Variants in AGBL1 observed in about 807,000 individuals in gnomAD.
AGBL1 encodes AGBL carboxypeptidase 1.
In AGBL1, 130 loss-of-function variants were observed where a neutral mutation model predicts 118.9. The observed-to-expected ratio is 1.09, with a 90% CI of 0.95 to 1.26. The LOEUF is 1.26. AGBL1 is among the 50% of genes most tolerant of loss of function. AGBL1 has a pLI of 0.00. For missense variants in AGBL1, 1,584 were observed against 1,298.1 expected, an observed-to-expected ratio of 1.22 and a Z score of -3.38; for synonymous variants, 555 against 478.9, an observed-to-expected ratio of 1.16 and a Z score of -2.08.
At chr15:86,768,289 T>G (rs946798974) in intron 22 of AGBL1, among the ~76,000 whole-genome samples, 2 of 151,998 alleles carry the variant, frequency 1.3e-5, no homozygotes, top group African/African-American at 4.8e-5. Flanking sequence ...GCATATAACA[T>G]AGTTTAACAT....
intron 22 of AGBL1, among the ~76,000 whole-genome samples, chr15:86,686,245 A>G (rs1223840654): frequency 6.6e-6 from 1 of 152,016 alleles, no homozygotes; most frequent in African/African-American, 2.4e-5. Flanking sequence ...GTTTGAATTG[A>G]CTCCATCTCC....
At chr15:86,799,589 T>G (rs2078621493) in intron 22 of AGBL1, among the ~76,000 whole-genome samples, 1 of 152,160 alleles carries the variant, frequency 6.6e-6, no homozygotes, top group African/African-American at 2.4e-5. Flanking sequence ...TGTGACGGAA[T>G]TATGTAAAAT....
chr15:86,882,496 G>T (rs759425209), intron 22 of AGBL1, among the ~76,000 whole-genome samples: 1 of 152,118 alleles, frequency 6.6e-6, no homozygotes, highest in African/African-American at 2.4e-5. Flanking sequence ...ATTTTGAGTT[G>T]AGTGACCTTA....
At chr15:86,350,795 C>T (rs1171391288) in intron 17 of AGBL1, among the ~76,000 whole-genome samples, 6 of 152,168 alleles carry the variant, frequency 3.9e-5, no homozygotes, top group Non-Finnish European at 5.9e-5. Flanking sequence ...ATTCCAAAGC[C>T]TCTTGTTATG....
intron 5 of AGBL1, among the ~76,000 whole-genome samples, chr15:86,183,381 C>A (rs1469559102): frequency 6.6e-6 from 1 of 152,124 alleles, no homozygotes; most frequent in Non-Finnish European, 1.5e-5. Context: ...AATACCCTCA[C>A]TTTATAAACA....
chr15:86,298,618 G>T (rs879300319), intron 17 of AGBL1, among the ~76,000 whole-genome samples: 2 of 152,070 alleles, frequency 1.3e-5, no homozygotes, highest in African/African-American at 2.4e-5. Context: ...CTTCAGGTGA[G>T]ATTAAATTGT....
chr15:86,723,075 C>T (rs1344175300), intron 22 of AGBL1, among the ~76,000 whole-genome samples: 2 of 152,182 alleles, frequency 1.3e-5, no homozygotes, highest in African/African-American at 4.8e-5. Context: ...ACTAGTTCAA[C>T]CATTGTGGAA....
intron 18 of AGBL1, among the ~76,000 whole-genome samples, chr15:86,413,648 C>G (rs2081651692): frequency 6.6e-6 from 1 of 152,034 alleles, no homozygotes; most frequent in East Asian, 1.9e-4. Flanking sequence ...TTTTTAGGTG[C>G]TTGTGGGACA....
intron 22 of AGBL1, among the ~76,000 whole-genome samples, chr15:86,863,307 G>T (rs1228950826): frequency 1.3e-5 from 2 of 152,184 alleles, no homozygotes; most frequent in Non-Finnish European, 2.9e-5. Flanking sequence ...CTAAGGAACT[G>T]CATATTTCCT....
At chr15:86,358,005 C>G (rs973096149) in intron 17 of AGBL1, among the ~76,000 whole-genome samples, 2 of 151,972 alleles carry the variant, frequency 1.3e-5, no homozygotes, top group African/African-American at 4.8e-5. Context: ...TATCTATCAC[C>G]TCACATACTT....
intron 5 of AGBL1, among the ~76,000 whole-genome samples, chr15:86,199,444 A>G (rs1438084055): frequency 2.0e-5 from 3 of 152,238 alleles, no homozygotes; most frequent in Non-Finnish European, 2.9e-5. Context: ...CCATTTGGCC[A>G]TGGCAAAATG....
At chr15:86,240,483 G>A (rs2078623988) in intron 6 of AGBL1, among the ~76,000 whole-genome samples, 1 of 152,204 alleles carries the variant, frequency 6.6e-6, no homozygotes, top group Admixed American at 6.5e-5. Context: ...GAATTCTCAG[G>A]TGGAAAATTG....
chr15:86,266,208 G>A (rs890940176), intron 11 of AGBL1, among the ~76,000 whole-genome samples, 166 bp from the exon 12 acceptor site: 1 of 152,120 alleles, frequency 6.6e-6, no homozygotes, highest in Non-Finnish European at 1.5e-5. Flanking sequence ...AAAGAAGAAG[G>A]GCAGGGCTAT....
chr15:86,333,321 A>G lies in AGBL1; in HGVS notation c.2374+37913A>G, dbSNP rs569963846. Among the ~76,000 whole-genome samples the G allele has an allele frequency of 3.3e-5, 5 of 152,302 alleles. No individual in the cohort carries two copies. In the South Asian group the frequency reaches 1.0e-3, roughly 32 times the overall value. ...AAGAAAGAAAAAGAGATAAGATCCAAATAAGCACACTCAGAACTAACAAAG... is the reference window on the plus strand; with the variant it reads ...AAGAAAGAAAAAGAGATAAGATCCAGATAAGCACACTCAGAACTAACAAAG... On this transcript the variant is annotated intron_variant, in intron 17 of 22. Transcript: ENST00000614907.
intron 22 of AGBL1, among the ~76,000 whole-genome samples, chr15:86,865,487 G>T (rs926978050): frequency 2.6e-5 from 4 of 152,170 alleles, no homozygotes; most frequent in Non-Finnish European, 5.9e-5. Context: ...TAGGCAGAAA[G>T]AATCAACTTC....
At chr15:86,602,971 A>G (rs1175586705) in intron 21 of AGBL1, among the ~76,000 whole-genome samples, 1 of 152,126 alleles carries the variant, frequency 6.6e-6, no homozygotes, top group Non-Finnish European at 1.5e-5. Context: ...GGCTGCTGAC[A>G]TGTTGTTGGG....
rs1475295153 is a variant in AGBL1, at chr15:86,615,219, T to C, written c.2995-59054T>C. On this transcript the variant is annotated intron_variant, in intron 21 of 22. Coordinates refer to ENST00000614907, the MANE Select transcript of AGBL1 (RefSeq NM_001386094.1). The surrounding 1 kb of genome is among the most constrained non-coding windows in gnomAD (Gnocchi z 4.3). ...CTCTGCCAGCAATGCGGGAGATTAA[T>C]TCTAGCATTGGAAGTAGAGTAGAGG... Among the ~76,000 whole-genome samples the C allele has an allele frequency of 3.3e-5, 5 of 152,140 alleles. No homozygotes were observed. Among genetic ancestry groups the C allele is most frequent in the Admixed American group, 3.3e-4 (5 of 15,268 alleles).
At chr15:86,245,801 G>T (rs2078710487) in intron 6 of AGBL1, among the ~76,000 whole-genome samples, 1 of 152,204 alleles carries the variant, frequency 6.6e-6, no homozygotes, top group African/African-American at 2.4e-5. Context: ...GAGCCCTGTT[G>T]CTCACTACCA....
rs527501124 is a variant in AGBL1 at position 86,615,290 on chromosome 15, A to C, written c.2995-58983A>C. ...ACTATTGACTAAAAACCAGCCTAGGAAAAGATGTGATGAGGGACTGTGGTA... is the reference window on the plus strand; with the variant it reads ...ACTATTGACTAAAAACCAGCCTAGGCAAAGATGTGATGAGGGACTGTGGTA... On this transcript the variant is annotated intron_variant, in intron 21 of 22. Coordinates refer to ENST00000614907, the MANE Select transcript of AGBL1 (RefSeq NM_001386094.1). The surrounding 1 kb of genome is among the most constrained non-coding windows in gnomAD (Gnocchi z 4.3). Among the ~76,000 whole-genome samples the C allele has an allele frequency of 2.6e-5, 4 of 152,304 alleles. No homozygotes were observed. In the South Asian group the frequency reaches 8.3e-4, roughly 32 times the overall value.
Sources: allele counts gnomAD v4.1 joint callset (sites outside exome capture counted in the v4.1 genomes callset), GRCh38; gene constraint gnomAD v4.1.1; non-coding constraint Gnocchi (gnomAD v3.1); transcripts MANE v1.5; gene names NCBI Gene and HGNC (gene_info 2026-07-23, HGNC 2026-07-21).